The following PI15 variants were observed in gnomAD, a reference collection of about 807,000 sequenced individuals.
The protein encoded by PI15 is 25 kDa trypsin inhibitor.
Under a neutral mutation model 31.0 loss-of-function variants are expected in PI15, and 18 were observed. That is an observed-to-expected ratio of 0.58 (90% confidence interval 0.40 to 0.86). The LOEUF is 0.86. Among genes scored for constraint, PI15 ranks in the 40% least tolerant of loss-of-function variants. The pLI is 0.00. For missense variants in PI15, 282 were observed against 328.1 expected (o/e 0.86, Z 1.09); for synonymous variants, 118 against 119.1 (o/e 0.99, Z 0.06).
intron 2 of PI15, among the ~76,000 whole-genome samples, chr8:74,828,007 TAATA>T (rs1335299983): frequency 6.6e-6 from 1 of 152,138 alleles, no homozygotes; most frequent in Non-Finnish European, 1.5e-5. Context: ...TTTGCTAATT[TAATA>T]TTTATTAAAT....
chr8:74,844,427 CTGTGTG>C (rs57644375), intron 3 of PI15, among the ~76,000 whole-genome samples: 19,801 of 141,674 alleles, frequency 0.14, 1,300 homozygotes, highest in Middle Eastern at 0.17. Flanking sequence ...TGTGCAGAGG[CTGTGTG>C]TGTGTGTGTG....
intron 5 of PI15, among the ~76,000 whole-genome samples, chr8:74,848,165 T>C (rs1257201450): frequency 6.6e-6 from 1 of 152,224 alleles, no homozygotes; most frequent in Non-Finnish European, 1.5e-5. Context: ...TTAAATGGGT[T>C]CAGTATTATC....
Position 74,845,111 on chromosome 8 carries a change from C to G in PI15, c.393-17C>G, listed in dbSNP as rs763160192. On this transcript the variant is annotated splice_polypyrimidine_tract_variant and intron_variant, in intron 3 of 5. Coordinates refer to ENST00000260113, the MANE Select transcript of PI15 (RefSeq NM_015886.5). ...ACCACTGCTGCACTCTGATTTCTTTCTTTTCTTTATATGCAGATATCGCTC... is the reference window on the plus strand; with the variant it reads ...ACCACTGCTGCACTCTGATTTCTTTGTTTTCTTTATATGCAGATATCGCTC... The G allele has an allele frequency of 3.1e-5, 50 of 1,606,742 alleles. No individual in the cohort carries two copies. The highest frequency in any genetic ancestry group is 4.3e-5 in the Non-Finnish European group (50 of 1,173,722).
intron 2 of PI15, among the ~76,000 whole-genome samples, chr8:74,839,773 G>T (rs915840032): frequency 6.6e-5 from 10 of 152,132 alleles, no homozygotes; most frequent in African/African-American, 2.2e-4. Context: ...ACAGAAATAA[G>T]TACACACCTG....
At chr8:74,838,178 G>A (rs536403661) in intron 2 of PI15, among the ~76,000 whole-genome samples, 10 of 149,990 alleles carry the variant, frequency 6.7e-5, no homozygotes, top group South Asian at 4.3e-4. Flanking sequence ...GAAATGTAGC[G>A]ATTCATTTCA....
Position 74,850,158 on chromosome 8 carries a change from T to A in PI15, c.*905T>A, listed in dbSNP as rs1811085775. On this transcript the variant is annotated 3_prime_UTR_variant, in exon 6 of 6. Transcript: ENST00000260113. ...TGTAGGTGGAGCAAGTAATAAGCCA[T>A]GCTGTGCAATATATACATAAAGCTT... 6.6e-6 allele frequency: 1 copy of A among 152,216 alleles called. No homozygotes were observed. The highest frequency in any genetic ancestry group is 2.4e-5 in the African/African-American group (1 of 41,458). The allele number at this position is 152,216 out of a possible 1,614,324, so 9.4% of individuals were successfully genotyped here.
intron 5 of PI15, 48 bp downstream of exon 5, chr8:74,845,545 A>C (rs767922993): frequency 8.7e-7 from 1 of 1,155,678 alleles, no homozygotes; most frequent in East Asian, 2.3e-5. Flanking sequence ...AAAGACGTTA[A>C]ATATCCCTAG....
rs1047401124 is a variant in PI15 at position 74,853,856 on chromosome 8, T to C, written c.*4603T>C. ...AAGTGCTTTTTTTTTTCTGAATTAA[T>C]TAGGTATTGGTAAAATATATTTTTA... On this transcript the variant is annotated 3_prime_UTR_variant, in exon 6 of 6. Transcript: ENST00000260113. 3 of 151,988 alleles carry C rather than the reference T, an allele frequency of 2.0e-5. No homozygotes were observed. The highest frequency in any genetic ancestry group is 7.2e-5 in the African/African-American group (3 of 41,422). 9.4% of individuals were successfully genotyped at this position (151,988 alleles called of 1,614,324 possible). A position where few individuals can be genotyped will look rare whatever the true frequency, so the allele number is the denominator to read the frequency against.
chr8:74,835,815 T>C (rs1252855718), intron 2 of PI15, among the ~76,000 whole-genome samples: 1 of 152,224 alleles, frequency 6.6e-6, no homozygotes, highest in East Asian at 1.9e-4. Context: ...GAAATTTTAT[T>C]CCTTGACTTT....
At chr8:74,835,089 C>T (rs927637277) in intron 2 of PI15, among the ~76,000 whole-genome samples, 4 of 152,086 alleles carry the variant, frequency 2.6e-5, no homozygotes, top group Non-Finnish European at 5.9e-5. Context: ...TATTTATAGG[C>T]CTCTCAGTTG....
chr8:74,835,931 G>A (rs1810866642), intron 2 of PI15, among the ~76,000 whole-genome samples: 1 of 152,092 alleles, frequency 6.6e-6, no homozygotes, highest in Non-Finnish European at 1.5e-5. Context: ...CACCCTTAGT[G>A]TCTCTTTCAA....
intron 2 of PI15, among the ~76,000 whole-genome samples, chr8:74,827,469 G>A (rs1488256387): frequency 6.6e-6 from 1 of 152,054 alleles, no homozygotes; most frequent in African/African-American, 2.4e-5. Context: ...TTGACTAATT[G>A]TTTCCATAGA....
intron 2 of PI15, among the ~76,000 whole-genome samples, chr8:74,839,847 CAA>C (rs200925501): frequency 0.015 from 2,242 of 152,214 alleles, 55 homozygotes; most frequent in African/African-American, 0.051. Flanking sequence ...ATAAATGCTA[CAA>C]ACACTCAGAG....
At chr8:74,825,665 G>A (rs1447824238) in intron 2 of PI15, 143 bp downstream of exon 2, 2 of 664,264 alleles carry the variant, frequency 3.0e-6, no homozygotes, top group East Asian at 5.4e-5. Flanking sequence ...GTTCTTATGT[G>A]CCTAATAATG....
At chr8:74,832,082 C>T (rs897853149) in intron 2 of PI15, among the ~76,000 whole-genome samples, 7 of 152,068 alleles carry the variant, frequency 4.6e-5, no homozygotes, top group East Asian at 1.9e-4. Flanking sequence ...TCCTCAGCTA[C>T]GTTTAAGGCA....
intron 2 of PI15, 84 bp downstream of exon 2, chr8:74,825,606 A>G: frequency 1.8e-6 from 2 of 1,131,482 alleles, no homozygotes; most frequent in Non-Finnish European, 2.5e-6. Flanking sequence ...AACGACCACG[A>G]GTGTTTATAT....
chr8:74,845,320 T>C, intron 4 of PI15, 60 bp downstream of exon 4: 1 of 1,581,810 alleles, frequency 6.3e-7, no homozygotes, highest in Non-Finnish European at 8.7e-7. Context: ...TAATACTATT[T>C]TGGTGGACAT....
chr8:74,837,958 C>A (rs1810893612), intron 2 of PI15, among the ~76,000 whole-genome samples: 1 of 151,602 alleles, frequency 6.6e-6, no homozygotes, highest in Non-Finnish European at 1.5e-5. Flanking sequence ...TTCTTTTTTC[C>A]TTAAAATTTT....
chr8:74,832,324 G>A (rs779756416), intron 2 of PI15, among the ~76,000 whole-genome samples: 3 of 152,108 alleles, frequency 2.0e-5, no homozygotes, highest in Non-Finnish European at 4.4e-5. Flanking sequence ...CCCAGGACAC[G>A]CACCTCTGGA....
Sources: allele counts gnomAD v4.1 joint callset (sites outside exome capture counted in the v4.1 genomes callset), GRCh38; gene constraint gnomAD v4.1.1; transcripts MANE v1.5; gene names NCBI Gene and HGNC (gene_info 2026-07-23, HGNC 2026-07-21).